Variants in DCC observed in about 807,000 individuals in gnomAD.
The protein encoded by DCC is netrin receptor DCC.
Under a neutral mutation model 172.5 loss-of-function variants are expected in DCC, and 58 were observed. The observed-to-expected ratio is 0.34, with a 90% CI of 0.27 to 0.42. DCC has a LOEUF of 0.42. Among genes scored for constraint, DCC ranks in the 10% least tolerant of loss-of-function variants. The pLI is 1.00. For missense variants in DCC, 1,740 were observed against 1,791.0 expected, an observed-to-expected ratio of 0.97 and a Z score of 0.51; for synonymous variants, 709 against 644.5, an observed-to-expected ratio of 1.10 and a Z score of -1.52.
chr18:52,759,281 T>C (rs2037122831), intron 2 of DCC, among the ~76,000 whole-genome samples: 1 of 152,122 alleles, frequency 6.6e-6, no homozygotes, highest in Admixed American at 6.6e-5. Context: ...AACTCTGCAA[T>C]AAAATTAAAA....
At chr18:53,099,794 A>G (rs144673978) in intron 7 of DCC, among the ~76,000 whole-genome samples, 1 of 152,224 alleles carries the variant, frequency 6.6e-6, no homozygotes, top group East Asian at 1.9e-4. Flanking sequence ...CATGTTATTT[A>G]TATTGTAATG....
intron 12 of DCC, among the ~76,000 whole-genome samples, chr18:53,298,185 A>C (rs546225798): frequency 2.6e-5 from 4 of 152,254 alleles, no homozygotes; most frequent in Admixed American, 6.5e-5. Context: ...CACTTGGTAG[A>C]CATACTAAGC....
At chr18:52,872,407 C>T (rs1315045106) in intron 2 of DCC, among the ~76,000 whole-genome samples, 2 of 146,446 alleles carry the variant, frequency 1.4e-5, no homozygotes, top group African/African-American at 5.0e-5. Context: ...AAGGGAAAGC[C>T]TCAGCGAAAG....
Position 53,218,366 on chromosome 18 carries a change from A to G in DCC, c.1911+2769A>G, listed in dbSNP as rs535562843. On this transcript the variant is annotated intron_variant, in intron 12 of 28. Transcript: ENST00000442544. ...GGTTGTTATAAGACATATGATCACAATCTAGGTACTCGTTAAGGTTTTGGT... is the reference window on the plus strand; with the variant it reads ...GGTTGTTATAAGACATATGATCACAGTCTAGGTACTCGTTAAGGTTTTGGT... 3.3e-5 allele frequency among the ~76,000 whole-genome samples: 5 copies of G among 152,252 alleles called. No individual in the cohort carries two copies. In the South Asian group the frequency reaches 8.3e-4, roughly 25 times the overall value.
intron 12 of DCC, among the ~76,000 whole-genome samples, chr18:53,303,916 A>C (rs906126397): frequency 6.6e-6 from 1 of 152,136 alleles, no homozygotes; most frequent in Non-Finnish European, 1.5e-5. Flanking sequence ...TGCCAGATGG[A>C]GGTGGCTCTC....
intron 7 of DCC, among the ~76,000 whole-genome samples, chr18:53,079,433 T>C (rs951006657): frequency 6.6e-6 from 1 of 152,106 alleles, no homozygotes; most frequent in African/African-American, 2.4e-5. Flanking sequence ...AAATGGTAAA[T>C]ATCTTTTTGC....
chr18:52,592,807 G>A (rs148237090), intron 1 of DCC, among the ~76,000 whole-genome samples: 35 of 152,040 alleles, frequency 2.3e-4, no homozygotes, highest in African/African-American at 7.5e-4. Context: ...CTAATTGTGC[G>A]TGTGTGTGTG....
At chr18:52,585,746 C>T (rs547280391) in intron 1 of DCC, among the ~76,000 whole-genome samples, 45 of 152,300 alleles carry the variant, frequency 3.0e-4, no homozygotes, top group African/African-American at 1.1e-3. Flanking sequence ...AAGTATTCTA[C>T]TCTTCTTCAG....
intron 15 of DCC, among the ~76,000 whole-genome samples, chr18:53,351,383 A>AAT (rs1375836693): frequency 2.8e-5 from 1 of 35,090 alleles, no homozygotes; most frequent in African/African-American, 1.0e-4. Flanking sequence ...ATATATATAC[A>AAT]GTATATATAT....
chr18:52,885,787 C>T (rs1450080751), intron 2 of DCC, among the ~76,000 whole-genome samples: 4 of 152,058 alleles, frequency 2.6e-5, no homozygotes, highest in Non-Finnish European at 5.9e-5. Flanking sequence ...GAAGCCACAA[C>T]ATCTCAGGGC....
intron 18 of DCC, among the ~76,000 whole-genome samples, chr18:53,400,483 A>G (rs80156638): frequency 0.025 from 3,742 of 152,252 alleles, 74 homozygotes; most frequent in Middle Eastern, 0.065. Context: ...ATGGGTAGAC[A>G]ATGAAGAATT....
At chr18:53,514,456 C>T (rs2144555985) in intron 27 of DCC, among the ~76,000 whole-genome samples, 1 of 143,764 alleles carries the variant, frequency 7.0e-6, no homozygotes, top group African/African-American at 2.7e-5. Context: ...CAGAGCAGAA[C>T]TGAAGGAAAC....
chr18:53,091,855 C>A (rs1183314120), intron 7 of DCC, among the ~76,000 whole-genome samples: 2,113 of 67,882 alleles, frequency 0.031, 46 homozygotes, highest in African/African-American at 0.13. Context: ...ATCTATCAAT[C>A]TATCTATATA....
intron 1 of DCC, among the ~76,000 whole-genome samples, chr18:52,402,853 C>A (rs972175008): frequency 6.6e-6 from 1 of 152,032 alleles, no homozygotes; most frequent in African/African-American, 2.4e-5. Flanking sequence ...TGAATGCTCA[C>A]ATAGTGCCTT....
chr18:53,002,882 GC>G (rs2041588124), intron 5 of DCC, among the ~76,000 whole-genome samples: 1 of 152,264 alleles, frequency 6.6e-6, no homozygotes, highest in Admixed American at 6.5e-5. Flanking sequence ...AGCTGTATCA[GC>G]ACAGGGTCTT....
At chr18:53,358,933 G>A (rs1435764771) in intron 15 of DCC, among the ~76,000 whole-genome samples, 2 of 152,168 alleles carry the variant, frequency 1.3e-5, no homozygotes, top group Non-Finnish European at 2.9e-5. Context: ...ACCAGTGATT[G>A]CATTAGTAGT....
intron 1 of DCC, among the ~76,000 whole-genome samples, chr18:52,618,105 C>A (rs992442363): frequency 9.2e-5 from 14 of 152,140 alleles, no homozygotes; most frequent in African/African-American, 2.9e-4. Context: ...GTCATTAAAG[C>A]CACAAGCTTG....
At chr18:53,027,249 T>C (rs1204906524) in intron 5 of DCC, among the ~76,000 whole-genome samples, 1 of 152,054 alleles carries the variant, frequency 6.6e-6, no homozygotes. Flanking sequence ...TCCTGTTTTA[T>C]AGGGACACTG....
rs971150721 is a variant in DCC, at chr18:52,656,017, T to C, written c.92-96037T>C. 1.2e-3 allele frequency among the ~76,000 whole-genome samples: 134 copies of C among 114,172 alleles called. 1 individual carries two copies. The highest frequency in any genetic ancestry group is 3.4e-3 in the African/African-American group (108 of 31,820). The allele number at this position is 114,172 out of a possible 152,430, so 74.9% of individuals were successfully genotyped here. A position where few individuals can be genotyped will look rare whatever the true frequency, so the allele number is the denominator to read the frequency against. On this transcript the variant is annotated intron_variant, in intron 1 of 28. Coordinates refer to ENST00000442544, the MANE Select transcript of DCC (RefSeq NM_005215.4). The stretch of plus-strand genomic sequence containing the variant: ...ATATATGTGCGTATATATATATGTG[T>C]GTATATATATGTATATATGTGTGTA...
Sources: gnomAD v4.1 joint callset for allele counts (sites outside exome capture counted in the v4.1 genomes callset) on GRCh38, gnomAD v4.1.1 for gene constraint, MANE v1.5 for transcripts, NCBI Gene and HGNC (gene_info 2026-07-23, HGNC 2026-07-21) for gene names.